Variants in FOXP1 observed in about 807,000 individuals in gnomAD.
The protein encoded by FOXP1 is forkhead box P1.
In FOXP1, 15 loss-of-function variants were observed where a neutral mutation model predicts 98.2. The ratio of observed to expected loss-of-function variants is 0.15; its 90% CI spans 0.10 to 0.24. The LOEUF is 0.24. Among genes scored for constraint, FOXP1 ranks in the 10% least tolerant of loss-of-function variants. FOXP1 has a pLI of 1.00. For synonymous variants in FOXP1, 371 were observed against 314.5 expected (o/e 1.18, Z -1.90); for missense variants, 633 against 848.5 (o/e 0.75, Z 3.15).
At chr3:71,160,780 G>T (rs1282696180) in intron 6 of FOXP1, among the ~76,000 whole-genome samples, 1 of 152,142 alleles carries the variant, frequency 6.6e-6, no homozygotes, top group Non-Finnish European at 1.5e-5. Flanking sequence ...GCTGAGACTT[G>T]AAAAATCAGC....
chr3:71,483,950 G>A (rs957876450), intron 3 of FOXP1, among the ~76,000 whole-genome samples: 5 of 152,106 alleles, frequency 3.3e-5, no homozygotes, highest in Admixed American at 6.6e-5. Flanking sequence ...CCGGGGCAAC[G>A]ACTAGAAGCA....
chr3:71,432,244 C>T (rs137963901), intron 3 of FOXP1, among the ~76,000 whole-genome samples: 54 of 152,292 alleles, frequency 3.5e-4, no homozygotes, highest in African/African-American at 1.3e-3. Flanking sequence ...CTGACCTTGT[C>T]GTGGCCGGGA....
intron 3 of FOXP1, among the ~76,000 whole-genome samples, chr3:71,378,368 G>C (rs1284439856): frequency 7.3e-6 from 1 of 137,030 alleles, no homozygotes; most frequent in Non-Finnish European, 1.7e-5. Flanking sequence ...GCTTTCCAGG[G>C]TCTCAGTCAC....
chr3:71,458,255 C>T (rs967889999), intron 3 of FOXP1, among the ~76,000 whole-genome samples: 1 of 152,174 alleles, frequency 6.6e-6, no homozygotes, highest in Admixed American at 6.5e-5. Context: ...GAGCAGAATG[C>T]CAACATTTTT....
At chr3:71,196,033 T>C (rs2063279587) in intron 6 of FOXP1, among the ~76,000 whole-genome samples, 2 of 152,214 alleles carry the variant, frequency 1.3e-5, no homozygotes, top group South Asian at 4.1e-4. Context: ...GCTGTCAATG[T>C]TATATTTTAA....
In FOXP1 at chr3:70,967,700, G is replaced by GTTT. The variant is rs1553657848; in HGVS notation, c.1723-1647_1723-1645dup. 1.1e-3 allele frequency among the ~76,000 whole-genome samples: 73 copies of GTTT among 63,626 alleles called. 1 individual carries two copies. The highest frequency in any genetic ancestry group is 1.6e-3 in the Non-Finnish European group (50 of 31,954). 41.7% of individuals were successfully genotyped at this position (63,626 alleles called of 152,430 possible). A position where few individuals can be genotyped will look rare whatever the true frequency, so the allele number is the denominator to read the frequency against. ...CTACTATTATTTGTTTTTTTTTTTT[G>GTTT]TTTTTTTTTGTTTTTTTTTTTTTTT... On this transcript the variant is annotated intron_variant, in intron 19 of 20. Coordinates refer to ENST00000649528, the MANE Select transcript of FOXP1 (RefSeq NM_001349338.3).
chr3:71,208,370 TATC>T (rs1255409669), intron 5 of FOXP1, among the ~76,000 whole-genome samples: 1 of 152,180 alleles, frequency 6.6e-6, no homozygotes, highest in Non-Finnish European at 1.5e-5. Flanking sequence ...ACTGCATAGA[TATC>T]ATTACACTAA....
At chr3:71,452,573 G>C (rs180902980) in intron 3 of FOXP1, among the ~76,000 whole-genome samples, 1 of 152,262 alleles carries the variant, frequency 6.6e-6, no homozygotes, top group East Asian at 1.9e-4. Context: ...GGAGGCTCTT[G>C]TTGTATTTTA....
intron 13 of FOXP1, among the ~76,000 whole-genome samples, chr3:70,995,492 G>A (rs1487633049): frequency 6.6e-6 from 1 of 151,980 alleles, no homozygotes; most frequent in Non-Finnish European, 1.5e-5. Context: ...AAAAAGAACA[G>A]ATGAAATCTT....
intron 11 of FOXP1, among the ~76,000 whole-genome samples, chr3:71,035,890 T>A (rs962338273): frequency 3.3e-5 from 5 of 152,180 alleles, no homozygotes; most frequent in Non-Finnish European, 7.3e-5. Flanking sequence ...GGCTTGTGTA[T>A]CTGGAACAGT....
intron 3 of FOXP1, among the ~76,000 whole-genome samples, chr3:71,409,918 G>C (rs77913327): frequency 6.6e-6 from 1 of 152,192 alleles, no homozygotes; most frequent in East Asian, 1.9e-4. Flanking sequence ...GGAAGGGTGA[G>C]ACGGGAGGAT....
intron 3 of FOXP1, among the ~76,000 whole-genome samples, chr3:71,393,126 A>G (rs1201275535): frequency 1.3e-5 from 2 of 152,176 alleles, no homozygotes; most frequent in African/African-American, 4.8e-5. Flanking sequence ...ATAAAACATA[A>G]AAGTAGGTTT....
intron 5 of FOXP1, among the ~76,000 whole-genome samples, chr3:71,278,878 T>C (rs544417528): frequency 1.3e-5 from 2 of 151,866 alleles, no homozygotes; most frequent in East Asian, 3.9e-4. Context: ...TTAATGAGGA[T>C]CTTTGTTACT....
intron 4 of FOXP1, among the ~76,000 whole-genome samples, chr3:71,348,272 A>G (rs2107820719): frequency 6.6e-6 from 1 of 152,320 alleles, no homozygotes; most frequent in South Asian, 2.1e-4. Context: ...TAGAACTAGA[A>G]CACAGCAATT....
intron 3 of FOXP1, among the ~76,000 whole-genome samples, chr3:71,433,790 C>T (rs942757020): frequency 6.6e-6 from 1 of 152,144 alleles, no homozygotes; most frequent in African/African-American, 2.4e-5. Context: ...TGACTGGTTA[C>T]CTGGATGAAT....
intron 2 of FOXP1, among the ~76,000 whole-genome samples, chr3:71,574,799 G>A (rs1043887969): frequency 6.6e-6 from 1 of 152,158 alleles, no homozygotes; most frequent in Non-Finnish European, 1.5e-5. Flanking sequence ...ATCTGATATT[G>A]ACATTTGGTG....
chr3:71,288,431 C>T (rs2107478497), intron 5 of FOXP1: 1 of 152,274 alleles, frequency 6.6e-6, no homozygotes. Flanking sequence ...ATCTGAAAGG[C>T]AGATGAACCC....
intron 7 of FOXP1, among the ~76,000 whole-genome samples, chr3:71,099,189 G>A (rs1484601459): frequency 6.6e-6 from 1 of 152,074 alleles, no homozygotes; most frequent in Admixed American, 6.5e-5. Flanking sequence ...AATATAACTT[G>A]GAATTTACTA....
intron 6 of FOXP1, among the ~76,000 whole-genome samples, chr3:71,113,769 T>TA (rs1300648876): frequency 3.5e-5 from 1 of 28,730 alleles, no homozygotes; most frequent in Non-Finnish European, 9.7e-5. Context: ...AAAGGTCAAG[T>TA]AAAAAAAGAA....
Sources: gnomAD v4.1 joint callset for allele counts (sites outside exome capture counted in the v4.1 genomes callset) on GRCh38, gnomAD v4.1.1 for gene constraint, MANE v1.5 for transcripts, NCBI Gene and HGNC (gene_info 2026-07-23, HGNC 2026-07-21) for gene names.